Variants in TTN observed in about 807,000 individuals in gnomAD.
TTN encodes titin.
A neutral mutation model predicts 3,223.0 loss-of-function variants in TTN; 1,525 were observed. That is an observed-to-expected ratio of 0.47 (90% CI 0.45 to 0.49). The LOEUF (loss-of-function observed/expected upper bound fraction) is 0.49. TTN is among the 20% of genes least tolerant of loss of function. The probability of loss-of-function intolerance (pLI) is 0.00; values close to 1 mark genes in which losing one functional copy is unlikely to be tolerated. For missense variants in TTN, 40,786 were observed against 43,424.0 expected, an observed-to-expected ratio of 0.94 and a Z score of 5.40; for synonymous variants, 14,094 against 15,161.0, an observed-to-expected ratio of 0.93 and a Z score of 5.17.
chr2:178,684,190 C>T, intron 132 of TTN, 108 bp from the exon 133 acceptor site: 1 of 1,399,150 alleles, frequency 7.1e-7, no homozygotes, highest in Non-Finnish European at 9.9e-7. Flanking sequence ...TTCATTATTT[C>T]AAACATAAAA....
Position 178,679,995 on chromosome 2 carries a change from G to T in TTN, c.33479C>A (p.Thr11160Asn). ...TTCTACAAGATATTCTTCTACATGG[G>T]TTACAACTTCCTCTTCAAAGGCAAC... ...EEVAFEEEVVTHVEEYLVEEE... is the reference protein window; with the variant it reads ...EEVAFEEEVVNHVEEYLVEEE... The change falls in exon 140 of 363, where the codon ACC (threonine) becomes AAC (asparagine). Residue 11160 changes from threonine to asparagine, a missense_variant. Physicochemically the swap from Thr to Asn is moderately conservative, Grantham distance 65. Transcript: ENST00000589042. The T allele has an allele frequency of 6.2e-7, 1 of 1,613,078 alleles. No individual in the cohort carries two copies. Among genetic ancestry groups the T allele is most frequent in the Non-Finnish European group, 8.5e-7 (1 of 1,179,440 alleles).
rs1198845856 is a variant in TTN at position 178,662,996 on chromosome 2, C to A, written c.36760G>T (p.Ala12254Ser). ...VPEKKVPVPP[A>S]KKPEAPPPKV... ...GGAGGTGGAGCTTCTGGCTTTTTGG[C>A]AGGAGGCACCGGTACTTTCTTTTCT... Residue 12254 changes from alanine to serine, a missense_variant, in exon 174 of 363, where the codon GCC becomes TCC. Physicochemically the swap from Ala to Ser is moderately conservative, Grantham distance 99. Coordinates refer to ENST00000589042, the MANE Select transcript of TTN (RefSeq NM_001267550.2). 6.2e-7 allele frequency: 1 copy of A among 1,608,126 alleles called. No individual in the cohort carries two copies. The highest frequency in any genetic ancestry group is 1.3e-5 in the African/African-American group (1 of 74,208).
rs775991395 is a variant in TTN at position 178,560,169 on chromosome 2, G to A, written c.85963C>T (p.Pro28655Ser). ...AEDPVFLPSP[P>S]SKPKIVDSGK... is the part of the protein sequence containing the mutation. ...GAGTCCACAATTTTGGGTTTGGATG[G>A]AGGAGATGGTAGGAACACTGGATCT... The change falls in exon 326 of 363, where the codon CCA becomes TCA. Residue 28655 changes from proline (P) to serine (S), a missense_variant. Coordinates refer to ENST00000589042, the MANE Select transcript of TTN (RefSeq NM_001267550.2). 1.2e-6 allele frequency: 2 copies of A among 1,613,736 alleles called. No homozygotes were observed. The highest frequency in any genetic ancestry group is 1.7e-6 in the Non-Finnish European group (2 of 1,179,760).
In TTN at chr2:178,620,334, T is replaced by G; in HGVS notation, c.46187A>C (p.His15396Pro). 1 of 1,597,872 alleles carries G rather than the reference T, an allele frequency of 6.3e-7. No homozygotes were observed. The highest frequency in any genetic ancestry group is 8.5e-7 in the Non-Finnish European group (1 of 1,170,870). Residue 15396 changes from histidine (H) to proline (P), a missense_variant, in exon 248 of 363, where the codon CAC (histidine) becomes CCC (proline). Coordinates refer to ENST00000589042, the MANE Select transcript of TTN (RefSeq NM_001267550.2). ...IIEAPTEFVE[H>P]LEDQTVTEFD... Reference sequence around the variant, plus strand: ...CTCAGTGACTGTCTGATCTTCCAAGTGTTCCACAAATTCTGTCGGGGCTTC... The same window carrying G: ...CTCAGTGACTGTCTGATCTTCCAAGGGTTCCACAAATTCTGTCGGGGCTTC...
Position 178,757,771 on chromosome 2 carries a change from T to C in TTN, c.10449A>G (p.Arg3483=). The change falls in exon 45 of 363, where the codon AGA becomes AGG. Residue 3483 remains arginine, a synonymous_variant. Coordinates refer to ENST00000589042, the MANE Select transcript of TTN (RefSeq NM_001267550.2). ...SLRVHNGETV[R]FHARVSGIPK... The stretch of plus-strand genomic sequence containing the variant: ...GAATGCCAGAAACCCTCGCATGAAA[T>C]CTGACTGTCTCCCCGTTGTGCACCC... 3 of 1,613,790 alleles carry C rather than the reference T, an allele frequency of 1.9e-6. No individual in the cohort carries two copies. Among genetic ancestry groups the C allele is most frequent in the Non-Finnish European group, 2.5e-6 (3 of 1,179,746 alleles).
In TTN at chr2:178,547,784, C is replaced by G; in HGVS notation, c.93842G>C (p.Gly31281Ala). 6.2e-7 allele frequency: 1 copy of G among 1,613,872 alleles called. No individual in the cohort carries two copies. The highest frequency in any genetic ancestry group is 1.1e-5 in the South Asian group (1 of 91,078). The change falls in exon 339 of 363, where the codon GGT (glycine) becomes GCT (alanine). Residue 31281 changes from glycine to alanine, a missense_variant. Transcript: ENST00000589042. ...TTLTVKDSMR[G>A]DSGRYFLTLE... Reference sequence around the variant, plus strand: ...GGTCAAGAAGTATCTTCCAGAGTCACCTCTCATGCTGTCCTTTACAGTCAG... The same window carrying G: ...GGTCAAGAAGTATCTTCCAGAGTCAGCTCTCATGCTGTCCTTTACAGTCAG...
intron 138 of TTN, among the ~76,000 whole-genome samples, chr2:178,680,862 C>T (rs2069204929): frequency 1.3e-5 from 2 of 152,060 alleles, no homozygotes; most frequent in African/African-American, 4.8e-5. Flanking sequence ...TGTGGCAGGA[C>T]ACAGCCACTG....
Position 178,599,868 on chromosome 2 carries a change from A to G in TTN, c.56051-18T>C. 1 of 1,533,476 alleles carries G rather than the reference A, an allele frequency of 6.5e-7. No individual in the cohort carries two copies. The highest frequency in any genetic ancestry group is 8.7e-7 in the Non-Finnish European group (1 of 1,144,960). 95.0% of individuals were successfully genotyped at this position (1,533,476 alleles called of 1,614,324 possible). ...TGGTGGGCCTAGATTATTTAAAAAA[A>G]GTTGTCATTAGGAGCAAAAAGCATT... On this transcript the variant is annotated intron_variant, in intron 288 of 362. Transcript: ENST00000589042.
At chr2:178,584,240 A>AAACAAC (rs72646862) in intron 311 of TTN, 36 bp downstream of exon 311, 2 of 1,522,580 alleles carry the variant, frequency 1.3e-6, no homozygotes, top group South Asian at 2.7e-5. Context: ...CATAATACTA[A>AAACAAC]AACAACAACA....
At chr2:178,551,531 T>C in intron 335 of TTN, 99 bp downstream of exon 335, 5 of 1,037,328 alleles carry the variant, frequency 4.8e-6, no homozygotes, top group Non-Finnish European at 6.8e-6. Context: ...CAAGAAGATA[T>C]GTAAGAAGGT....
rs1343835676 is a variant in TTN, at chr2:178,701,606, T to C, written c.30539-19A>G. 8.1e-6 allele frequency: 13 copies of C among 1,611,900 alleles called. No homozygotes were observed. Among genetic ancestry groups the C allele is most frequent in the Non-Finnish European group, 1.1e-5 (13 of 1,178,194 alleles). Reference sequence around the variant, plus strand: ...GGAATATCTGGAAAGGGACATGTAATAAGCATAGAGAGACTGAGAACAAGC... The same window carrying C: ...GGAATATCTGGAAAGGGACATGTAACAAGCATAGAGAGACTGAGAACAAGC... On this transcript the variant is annotated intron_variant, in intron 109 of 362. Coordinates refer to ENST00000589042, the MANE Select transcript of TTN (RefSeq NM_001267550.2).
At position 178,563,297 on chromosome 2, in the gene TTN, GCTT is replaced by G. The variant is rs754486095; in HGVS notation, c.82832_82834del (p.Glu27611del). 7.4e-6 allele frequency: 12 copies of G among 1,613,530 alleles called. No individual in the cohort carries two copies. In the East Asian group the frequency reaches 2.2e-4, roughly 30 times the overall value. Reference sequence around the variant, plus strand: ...GCAGGTTGTCCATTCATCCGCAGCAGCTTCTTTGACCTCTACAACATAGCCTTT... The same window carrying G: ...GCAGGTTGTCCATTCATCCGCAGCAGCTTTGACCTCTACAACATAGCCTTT... On this transcript the variant is annotated inframe_deletion, in exon 326 of 363. Transcript: ENST00000589042. This position sits in a 1 kb window ranked among gnomAD's most constrained non-coding sequence, Gnocchi z 4.5.
chr2:178,635,133 T>C (rs1252108122), intron 228 of TTN, 32 bp downstream of exon 228: 1 of 1,607,092 alleles, frequency 6.2e-7, no homozygotes, highest in Admixed American at 1.7e-5. Flanking sequence ...TTATTTTATA[T>C]GACTAACAAT....
intron 50 of TTN, 68 bp from the exon 51 acceptor site, chr2:178,735,056 A>AC: frequency 7.6e-6 from 11 of 1,448,392 alleles, no homozygotes; most frequent in Non-Finnish European, 1.0e-5. Context: ...AAAGAAAAGT[A>AC]GACATATACA....
At chr2:178,527,836 C>G in intron 361 of TTN, 88 bp from the exon 362 acceptor site, 1 of 1,249,870 alleles carries the variant, frequency 8.0e-7, no homozygotes. Flanking sequence ...ATGGAAACTT[C>G]AACACACACA....
intron 47 of TTN, chr2:178,748,899 C>T (rs753023021): frequency 1.2e-6 from 2 of 1,612,376 alleles, no homozygotes. Context: ...GATCTTGATT[C>T]TCTTTGCTTT....
In TTN at chr2:178,664,686, G is replaced by A; in HGVS notation, c.36170C>T (p.Pro12057Leu). 6.2e-7 allele frequency: 1 copy of A among 1,612,510 alleles called. No individual in the cohort carries two copies. The highest frequency in any genetic ancestry group is 8.5e-7 in the Non-Finnish European group (1 of 1,179,716). ...IVPEKKTLVV[P>L]LRKPEVLPDE... is the part of the protein sequence containing the mutation. Reference sequence around the variant, plus strand: ...AGGAAGGACTTCAGGCTTTCTGAGAGGAACCACAAGCGTTTTCTTTTCAGG... The same window carrying A: ...AGGAAGGACTTCAGGCTTTCTGAGAAGAACCACAAGCGTTTTCTTTTCAGG... Residue 12057 changes from proline (P) to leucine (L), a missense_variant, in exon 167 of 363, where the codon CCT becomes CTT. By Grantham distance (98) the Pro-to-Leu change is moderately conservative. Coordinates refer to ENST00000589042, the MANE Select transcript of TTN (RefSeq NM_001267550.2).
At position 178,739,253 on chromosome 2, in the gene TTN, C is replaced by G. The variant is rs1384061855; in HGVS notation, c.13980G>C (p.Thr4660=). The G allele has an allele frequency of 1.9e-6, 3 of 1,605,912 alleles. No homozygotes were observed. The highest frequency in any genetic ancestry group is 2.2e-5 in the South Asian group (2 of 90,228). The change falls in exon 48 of 363, where the codon ACG becomes ACC. Residue 4660 remains threonine, a synonymous_variant. Transcript: ENST00000589042. ...CGGTATTTACTTTGTCGATGACTAG[C>G]GTATATGTATTTTGATCTTGTAAAC... The part of the protein sequence containing the change: ...FKCLQDQNTY[T]LVIDKVNTED...
Position 178,540,256 on chromosome 2 carries a change from A to G in TTN, c.97910T>C (p.Ile32637Thr), listed in dbSNP as rs794729547. The G allele has an allele frequency of 5.0e-6, 8 of 1,613,700 alleles. No homozygotes were observed. The highest frequency in any genetic ancestry group is 1.7e-5 in the Admixed American group (1 of 59,994). ...EGGSKVTGYL[I>T]EMQKVDQHEW... is the part of the protein sequence containing the mutation. ...ATGTTGATCTACTTTTTGCATTTCA[A>G]TCAAGTAGCCTGTGACTTTAGATCC... The change falls in exon 351 of 363, where the codon ATT becomes ACT. Residue 32637 changes from isoleucine to threonine, a missense_variant. Transcript: ENST00000589042.
Sources: gnomAD v4.1 joint callset for allele counts (sites outside exome capture counted in the v4.1 genomes callset) on GRCh38, gnomAD v4.1.1 for gene constraint, Gnocchi (gnomAD v3.1) non-coding constraint, MANE v1.5 for transcripts, NCBI Gene and HGNC (gene_info 2026-07-23, HGNC 2026-07-21) for gene names.